Variants in ACTL6B observed in about 807,000 individuals in gnomAD.
The protein encoded by ACTL6B is actin-like protein 6B.
Under a neutral mutation model 63.3 loss-of-function variants are expected in ACTL6B, and 48 were observed. The observed-to-expected ratio is 0.76, with a 90% CI of 0.60 to 0.96. The LOEUF (loss-of-function observed/expected upper bound fraction) is 0.96, where lower values mean the gene tolerates loss of function less well. Among genes scored for constraint, ACTL6B ranks in the 50% least tolerant of loss-of-function variants. ACTL6B has a pLI of 0.00. For missense variants in ACTL6B, 350 were observed against 572.2 expected (o/e 0.61, Z 3.96); for synonymous variants, 230 against 223.8 (o/e 1.03, Z -0.25).
At chr7:100,653,683 C>G (rs1160753250) in intron 4 of ACTL6B, among the ~76,000 whole-genome samples, 1 of 151,924 alleles carries the variant, frequency 6.6e-6, no homozygotes, top group African/African-American at 2.4e-5. Context: ...CAAACAAAAC[C>G]CCAAACAACA....
Position 100,655,597 on chromosome 7 carries a change from A to G in ACTL6B, c.103-11T>C, listed in dbSNP as rs1490003241. 1.2e-6 allele frequency: 2 copies of G among 1,609,482 alleles called. No individual in the cohort carries two copies. The highest frequency in any genetic ancestry group is 3.3e-5 in the Admixed American group (2 of 59,792). On this transcript the variant is annotated splice_polypyrimidine_tract_variant and intron_variant, in intron 2 of 13. Transcript: ENST00000160382. The surrounding 1 kb of genome is among the most constrained non-coding windows in gnomAD (Gnocchi z 4.4). ...GGTGGGGAAGTCAGCCTGGTGGGGA[A>G]GGGTTGGGGGAGTATTGGCAGGGAG...
intron 4 of ACTL6B, among the ~76,000 whole-genome samples, chr7:100,653,391 T>C (rs1230750167): frequency 1.3e-5 from 2 of 152,034 alleles, no homozygotes; most frequent in Non-Finnish European, 2.9e-5. Flanking sequence ...GGATCTCGCC[T>C]GTAATCCCAG....
intron 4 of ACTL6B, among the ~76,000 whole-genome samples, chr7:100,653,807 A>G (rs745538132): frequency 1.3e-5 from 2 of 152,198 alleles, no homozygotes; most frequent in Non-Finnish European, 2.9e-5. Context: ...TGGAAAATTC[A>G]GCGATAATAC....
chr7:100,654,251 C>T (rs1487251887), intron 4 of ACTL6B, among the ~76,000 whole-genome samples: 2 of 151,548 alleles, frequency 1.3e-5, no homozygotes, highest in East Asian at 2.0e-4. Flanking sequence ...GGATTACAGG[C>T]GTGAGCCACC....
In ACTL6B at chr7:100,646,646, C is replaced by T. The variant is rs775227388; in HGVS notation, c.1018G>A (p.Gly340Ser). 1.9e-6 allele frequency: 3 copies of T among 1,614,080 alleles called. No individual in the cohort carries two copies. Among genetic ancestry groups the T allele is most frequent in the Non-Finnish European group, 2.5e-6 (3 of 1,180,004 alleles). ...GTGACAATGACACTCCCGTACAGGC[C>T]CTGAGAGCAGGGAGAAGGAGTGAGC... ...IGMCDIDIRP[G>S]LYGSVIVTGG... is the part of the protein sequence containing the mutation. Residue 340 changes from glycine to serine, a missense_variant and splice_region_variant, in exon 12 of 14, where the codon GGC (glycine) becomes AGC (serine). Gly to Ser is a moderately conservative substitution (Grantham distance 56). Coordinates refer to ENST00000160382, the MANE Select transcript of ACTL6B (RefSeq NM_016188.5). This position sits in a 1 kb window ranked among gnomAD's most constrained non-coding sequence, Gnocchi z 6.1.
intron 13 of ACTL6B, among the ~76,000 whole-genome samples, chr7:100,645,775 GCATGCACCAC>G (rs1803809182): frequency 6.6e-6 from 1 of 152,052 alleles, no homozygotes; most frequent in Non-Finnish European, 1.5e-5. Flanking sequence ...GGGATTACAG[GCATGCACCAC>G]CATGCCTGGC....
At chr7:100,654,616 A>G (rs1804003382) in intron 4 of ACTL6B, among the ~76,000 whole-genome samples, 1 of 151,688 alleles carries the variant, frequency 6.6e-6, no homozygotes, top group Admixed American at 6.6e-5. Context: ...CCCCCTGTCT[A>G]CTAAAAATAC....
At chr7:100,651,206 G>A (rs907248876) in intron 4 of ACTL6B, among the ~76,000 whole-genome samples, 1 of 7,290 alleles carries the variant, frequency 1.4e-4, no homozygotes, top group Non-Finnish European at 2.2e-4. Flanking sequence ...AACTCAAGGT[G>A]AGACACACAA....
Position 100,646,397 on chromosome 7 carries a change from G to C in ACTL6B, c.1114-62C>G. 6.3e-7 allele frequency: 1 copy of C among 1,585,144 alleles called. No homozygotes were observed. The highest frequency in any genetic ancestry group is 8.6e-7 in the Non-Finnish European group (1 of 1,159,438). On this transcript the variant is annotated intron_variant, in intron 12 of 13. Coordinates refer to ENST00000160382, the MANE Select transcript of ACTL6B (RefSeq NM_016188.5). This position sits in a 1 kb window ranked among gnomAD's most constrained non-coding sequence, Gnocchi z 6.1. ...AGGTTCTGGGAAGGGACAGGGCTTG[G>C]GGGAGAGGGGAAGACTTGGGAAGCC...
rs747249597 is a variant in ACTL6B, at chr7:100,655,011, G to GCACT, written c.369+4_369+7dup. The GCACT allele has an allele frequency of 1.2e-5, 20 of 1,610,342 alleles. No individual in the cohort carries two copies. The South Asian group carries it at 1.9e-4, about 15-fold the overall frequency. ...AGGGTTGGACATGAGGATGGAGGAG[G>GCACT]CACTCACCGGAGCCTCGGACATGAG... On this transcript the variant is annotated splice_region_variant and intron_variant, in intron 4 of 13. Coordinates refer to ENST00000160382, the MANE Select transcript of ACTL6B (RefSeq NM_016188.5). The surrounding 1 kb of genome is among the most constrained non-coding windows in gnomAD (Gnocchi z 4.4).
At chr7:100,650,978 C>G (rs1402130881) in intron 4 of ACTL6B, among the ~76,000 whole-genome samples, 2 of 151,962 alleles carry the variant, frequency 1.3e-5, no homozygotes, top group African/African-American at 4.8e-5. Flanking sequence ...ATACTAAGTG[C>G]CTAGAGCCAT....
chr7:100,655,986 C>G lies in ACTL6B; in HGVS notation c.26-107G>C. On this transcript the variant is annotated intron_variant, in intron 1 of 13. Transcript: ENST00000160382. This position sits in a 1 kb window ranked among gnomAD's most constrained non-coding sequence, Gnocchi z 4.4. Reference sequence around the variant, plus strand: ...GCCACAGTCTCGCCACTTTCAACACCAGTCTGGGGCCGGTGGGAGCTGGGC... The same window carrying G: ...GCCACAGTCTCGCCACTTTCAACACGAGTCTGGGGCCGGTGGGAGCTGGGC... 1 of 1,166,244 alleles carries G rather than the reference C, an allele frequency of 8.6e-7. No homozygotes were observed. 72.2% of individuals were successfully genotyped at this position (1,166,244 alleles called of 1,614,324 possible).
At position 100,652,999 on chromosome 7, in the gene ACTL6B, CAAAAAAAAAAAAAAAAAAAAAAA is replaced by C. The variant is rs58707737; in HGVS notation, c.369+1997_369+2019del. 4.9e-3 allele frequency among the ~76,000 whole-genome samples: 126 copies of C among 25,958 alleles called. 2 individuals are homozygous for C. In the East Asian group the frequency reaches 0.13, roughly 26 times the overall value. The allele number at this position is 25,958 out of a possible 152,430, so 17.0% of individuals were successfully genotyped here. A position where few individuals can be genotyped will look rare whatever the true frequency, so the allele number is the denominator to read the frequency against. ...CTGGTGACAGAGCAAAACTCCGTCT[CAAAAAAAAAAAAAAAAAAAAAAA>C]AAAAAAAAAAAAAAAAAAAATTGAA... On this transcript the variant is annotated intron_variant, in intron 4 of 13. Transcript: ENST00000160382.
chr7:100,647,491 CCTT>C lies in ACTL6B; in HGVS notation c.709_711del (p.Lys237del), dbSNP rs755552228. 2 of 1,610,902 alleles carry C rather than the reference CCTT, an allele frequency of 1.2e-6. No individual in the cohort carries two copies. The highest frequency in any genetic ancestry group is 1.7e-6 in the Non-Finnish European group (2 of 1,178,480). ...GACTTGGAGACCTGGGGTAGCTTCT[CCTT>C]CTTCTTCCAGTTTGGGGGGGCACCC... On this transcript the variant is annotated inframe_deletion, in exon 8 of 14. Transcript: ENST00000160382. The surrounding 1 kb of genome is among the most constrained non-coding windows in gnomAD (Gnocchi z 4.4).
chr7:100,646,171 G>A lies in ACTL6B; in HGVS notation c.1200+78C>T, dbSNP rs776851077. The A allele has an allele frequency of 2.9e-5, 34 of 1,172,858 alleles. No individual in the cohort carries two copies. Among genetic ancestry groups the A allele is most frequent in the Non-Finnish European group, 3.8e-5 (30 of 791,388 alleles). The allele number at this position is 1,172,858 out of a possible 1,614,324, so 72.7% of individuals were successfully genotyped here. A position where few individuals can be genotyped will look rare whatever the true frequency, so the allele number is the denominator to read the frequency against. On this transcript the variant is annotated intron_variant, in intron 13 of 13. Coordinates refer to ENST00000160382, the MANE Select transcript of ACTL6B (RefSeq NM_016188.5). This position sits in a 1 kb window ranked among gnomAD's most constrained non-coding sequence, Gnocchi z 6.1. ...GTTGAATGAATGAATGAACGAAGAGGCAGTCAAAGTGGCGGGCACTGTCTG... is the reference window on the plus strand; with the variant it reads ...GTTGAATGAATGAATGAACGAAGAGACAGTCAAAGTGGCGGGCACTGTCTG...
At position 100,643,198 on chromosome 7, in the gene ACTL6B, A is replaced by G; in HGVS notation, c.*48T>C. The G allele has an allele frequency of 1.3e-6, 2 of 1,581,076 alleles. No individual in the cohort carries two copies. Among genetic ancestry groups the G allele is most frequent in the Non-Finnish European group, 1.7e-6 (2 of 1,150,600 alleles). Reference sequence around the variant, plus strand: ...GGGGGGCAATGTGGCATGGGGGTTAAGGGACTTCCATCTGAGCTTGGGAGC... The same window carrying G: ...GGGGGGCAATGTGGCATGGGGGTTAGGGGACTTCCATCTGAGCTTGGGAGC... On this transcript the variant is annotated 3_prime_UTR_variant, in exon 14 of 14. Transcript: ENST00000160382.
rs1804014047 is a variant in ACTL6B, at chr7:100,655,132, G to A, written c.269-13C>T. The A allele has an allele frequency of 6.2e-7, 1 of 1,608,338 alleles. No homozygotes were observed. The highest frequency in any genetic ancestry group is 1.7e-5 in the Admixed American group (1 of 59,966). On this transcript the variant is annotated splice_polypyrimidine_tract_variant and intron_variant, in intron 3 of 13. Coordinates refer to ENST00000160382, the MANE Select transcript of ACTL6B (RefSeq NM_016188.5). This position sits in a 1 kb window ranked among gnomAD's most constrained non-coding sequence, Gnocchi z 4.4. ...TCCCAGTCCTCGACTGGGGCCAGAA[G>A]AGCAGCGTGCAGAGACGCAAGAAGG...
rs770379963 is a variant in ACTL6B, at chr7:100,647,206, C to T, written c.821+17G>A. 12 of 1,612,572 alleles carry T rather than the reference C, an allele frequency of 7.4e-6. No individual in the cohort carries two copies. In the African/African-American group the frequency reaches 1.3e-4, roughly 18 times the overall value. On this transcript the variant is annotated intron_variant, in intron 9 of 13. Coordinates refer to ENST00000160382, the MANE Select transcript of ACTL6B (RefSeq NM_016188.5). The surrounding 1 kb of genome is among the most constrained non-coding windows in gnomAD (Gnocchi z 4.4). Reference sequence around the variant, plus strand: ...TTCTGCCCTCTCTCCCACCCCAAAGCCCTGAGCCACACTCACTGTTCATCG... The same window carrying T: ...TTCTGCCCTCTCTCCCACCCCAAAGTCCTGAGCCACACTCACTGTTCATCG...
At position 100,650,342 on chromosome 7, in the gene ACTL6B, TCAAA is replaced by T. The variant is rs1408029945; in HGVS notation, c.370-211_370-208del. On this transcript the variant is annotated intron_variant, in intron 4 of 13. Transcript: ENST00000160382. Reference sequence around the variant, plus strand: ...CACTTGCACACACACACACATACACTCAAACACACACACATACACTCACATTCAC... The same window carrying T: ...CACTTGCACACACACACACATACACTCACACACACATACACTCACATTCAC... 1.2e-4 allele frequency among the ~76,000 whole-genome samples: 18 copies of T among 147,798 alleles called. 1 individual carries two copies. The highest frequency in any genetic ancestry group is 4.0e-4 in the East Asian group (2 of 5,042).
Sources: allele counts gnomAD v4.1 joint callset (sites outside exome capture counted in the v4.1 genomes callset), GRCh38; gene constraint gnomAD v4.1.1; non-coding constraint Gnocchi (gnomAD v3.1); transcripts MANE v1.5; gene names NCBI Gene and HGNC (gene_info 2026-07-23, HGNC 2026-07-21).